Variants in DCC observed in about 807,000 individuals in gnomAD.
DCC encodes the protein netrin receptor DCC.
DCC carries 58 observed loss-of-function variants against 172.5 expected under a neutral mutation model. The observed-to-expected ratio is 0.34, with a 90% CI of 0.27 to 0.42. The LOEUF is 0.42. Ranked by LOEUF, DCC falls within the 10% of genes least tolerant of loss-of-function variation. The pLI is 1.00. For missense variants in DCC, 1,740 were observed against 1,791.0 expected, an observed-to-expected ratio of 0.97 and a Z score of 0.51; for synonymous variants, 709 against 644.5, an observed-to-expected ratio of 1.10 and a Z score of -1.52.
intron 9 of DCC, among the ~76,000 whole-genome samples, chr18:53,196,324 A>T (rs2055442418): frequency 6.6e-6 from 1 of 152,198 alleles, no homozygotes; most frequent in African/African-American, 2.4e-5. Flanking sequence ...TGTTCACTAC[A>T]ATTTGCATTA....
At chr18:53,334,792 T>A (rs1045090544) in intron 14 of DCC, among the ~76,000 whole-genome samples, 9 of 152,202 alleles carry the variant, frequency 5.9e-5, no homozygotes, top group Non-Finnish European at 1.3e-4. Context: ...CCAAATACTA[T>A]TCCATTATGT....
chr18:53,316,234 T>G (rs986081751), intron 13 of DCC, among the ~76,000 whole-genome samples: 3 of 152,188 alleles, frequency 2.0e-5, no homozygotes, highest in African/African-American at 7.2e-5. Context: ...TGCTTGTTTT[T>G]CTCTAGTTTG....
chr18:52,961,636 T>C (rs2040843876), intron 5 of DCC, among the ~76,000 whole-genome samples: 1 of 152,206 alleles, frequency 6.6e-6, no homozygotes, highest in South Asian at 2.1e-4. Flanking sequence ...ATTGATGCAT[T>C]TGTATGGCTT....
intron 1 of DCC, among the ~76,000 whole-genome samples, chr18:52,603,703 A>T (rs1333667110): frequency 6.6e-6 from 1 of 151,944 alleles, no homozygotes; most frequent in African/African-American, 2.4e-5. Context: ...AGAAAAAAGG[A>T]AAAACAGAAA....
intron 1 of DCC, among the ~76,000 whole-genome samples, chr18:52,729,898 A>G (rs1280827987): frequency 6.6e-6 from 1 of 152,194 alleles, no homozygotes; most frequent in African/African-American, 2.4e-5. Context: ...AGACAGAGAC[A>G]TGAAAAAGAG....
Position 53,079,140 on chromosome 18 carries a change from T to C in DCC, c.1261+12974T>C, listed in dbSNP as rs370747241. 9.9e-5 allele frequency among the ~76,000 whole-genome samples: 15 copies of C among 152,284 alleles called. No individual in the cohort carries two copies. The East Asian group carries it at 1.9e-3, about 20-fold the overall frequency. Reference sequence around the variant, plus strand: ...TAAGGAAAAGGGAATAAAAGTACTATGTAGCTTATTTCATATTCCTCCCTT... The same window carrying C: ...TAAGGAAAAGGGAATAAAAGTACTACGTAGCTTATTTCATATTCCTCCCTT... On this transcript the variant is annotated intron_variant, in intron 7 of 28. Transcript: ENST00000442544.
At chr18:53,160,232 A>G (rs1229324474) in intron 8 of DCC, among the ~76,000 whole-genome samples, 1 of 152,138 alleles carries the variant, frequency 6.6e-6, no homozygotes, top group Non-Finnish European at 1.5e-5. Flanking sequence ...ATGAACCTTG[A>G]CAACACCAAT....
At chr18:53,439,543 T>C (rs919869639) in intron 22 of DCC, among the ~76,000 whole-genome samples, 1 of 152,222 alleles carries the variant, frequency 6.6e-6, no homozygotes, top group Non-Finnish European at 1.5e-5. Context: ...CTCAAGCCAG[T>C]TGCAAATAAA....
chr18:52,615,436 A>T (rs1034493038), intron 1 of DCC, among the ~76,000 whole-genome samples: 4 of 152,226 alleles, frequency 2.6e-5, no homozygotes, highest in Non-Finnish European at 4.4e-5. Flanking sequence ...TTACATGGAA[A>T]GAATGGGGCA....
intron 1 of DCC, among the ~76,000 whole-genome samples, chr18:52,606,461 A>C (rs2034132849): frequency 6.6e-6 from 1 of 152,184 alleles, no homozygotes; most frequent in Non-Finnish European, 1.5e-5. Context: ...TATGGAAAGA[A>C]AACACATAAA....
At chr18:53,276,315 C>T (rs1365074517) in intron 12 of DCC, among the ~76,000 whole-genome samples, 3 of 152,106 alleles carry the variant, frequency 2.0e-5, no homozygotes, top group Non-Finnish European at 4.4e-5. Flanking sequence ...GATAAATCCC[C>T]ATGGACAAAT....
Position 53,397,302 on chromosome 18 carries a change from G to T in DCC, c.2689-6G>T, listed in dbSNP as rs200168686. ...TTTATCTCTTTGCTATTTCCTACTT[G>T]TATAGTCAGAAGACACAACATCTCT... On this transcript the variant is annotated splice_region_variant and splice_polypyrimidine_tract_variant and intron_variant, in intron 17 of 28. Transcript: ENST00000442544. The T allele has an allele frequency of 4.3e-6, 7 of 1,612,642 alleles. No homozygotes were observed. Among genetic ancestry groups the T allele is most frequent in the East Asian group, 2.2e-5 (1 of 44,844 alleles).
intron 1 of DCC, among the ~76,000 whole-genome samples, chr18:52,490,622 C>T (rs746338166): frequency 6.6e-6 from 1 of 152,052 alleles, no homozygotes; most frequent in Non-Finnish European, 1.5e-5. Context: ...GACCTTCAAA[C>T]GTTTTCAAAT....
intron 1 of DCC, among the ~76,000 whole-genome samples, chr18:52,414,374 G>T (rs1318129835): frequency 6.6e-6 from 1 of 152,136 alleles, no homozygotes; most frequent in Non-Finnish European, 1.5e-5. Context: ...ATGAGGAAAT[G>T]AGACTTTAAT....
Position 53,462,882 on chromosome 18 carries a change from A to G in DCC, c.3619+3424A>G, listed in dbSNP as rs182387118. On this transcript the variant is annotated intron_variant, in intron 24 of 28. Coordinates refer to ENST00000442544, the MANE Select transcript of DCC (RefSeq NM_005215.4). ...TTCACATGCCCACTTGGCCCACAAG[A>G]ATCTCCTATATCCTTGCCAGACCCA... Among the ~76,000 whole-genome samples the G allele has an allele frequency of 1.5e-3, 223 of 152,266 alleles. 1 individual carries two copies. The highest frequency in any genetic ancestry group is 5.0e-3 in the African/African-American group (209 of 41,552).
At chr18:53,005,763 T>C (rs554796748) in intron 5 of DCC, among the ~76,000 whole-genome samples, 1 of 152,286 alleles carries the variant, frequency 6.6e-6, no homozygotes, top group South Asian at 2.1e-4. Context: ...CTTTACTTAA[T>C]GTGTGTTATA....
intron 5 of DCC, among the ~76,000 whole-genome samples, chr18:53,035,724 T>A (rs1293628725): frequency 6.6e-6 from 1 of 152,052 alleles, no homozygotes; most frequent in South Asian, 2.1e-4. Flanking sequence ...AACGGGGTAG[T>A]TGGCAGCCTT....
rs1491255176 is a variant in DCC at position 52,655,986 on chromosome 18, G to GTGTA, written c.92-96067_92-96066insGTAT. On this transcript the variant is annotated intron_variant, in intron 1 of 28. Transcript: ENST00000442544. ...TGTGTGTGTGTGTGTGTGTGTGTGT[G>GTGTA]TATATATATATGTGCGTATATATAT... Among the ~76,000 whole-genome samples, 101 of 136,268 alleles carry GTGTA rather than the reference G, an allele frequency of 7.4e-4. 1 individual carries two copies. Among genetic ancestry groups the GTGTA allele is most frequent in the African/African-American group, 2.4e-3 (89 of 36,384 alleles). The allele number at this position is 136,268 out of a possible 152,430, so 89.4% of individuals were successfully genotyped here. A position where few individuals can be genotyped will look rare whatever the true frequency, so the allele number is the denominator to read the frequency against.
At chr18:53,261,200 A>G (rs1259639041) in intron 12 of DCC, among the ~76,000 whole-genome samples, 1 of 152,068 alleles carries the variant, frequency 6.6e-6, no homozygotes, top group Non-Finnish European at 1.5e-5. Context: ...AGTGTGCTGC[A>G]CCCACTGTCC....
Sources: gnomAD v4.1 joint callset for allele counts (sites outside exome capture counted in the v4.1 genomes callset) on GRCh38, gnomAD v4.1.1 for gene constraint, MANE v1.5 for transcripts, NCBI Gene and HGNC (gene_info 2026-07-23, HGNC 2026-07-21) for gene names.